Variants in SLMAP observed in about 807,000 individuals in gnomAD.
The protein encoded by SLMAP is sarcolemma associated protein.
A neutral mutation model predicts 128.8 loss-of-function variants in SLMAP; 44 were observed. That is an observed-to-expected ratio of 0.34 (90% confidence interval 0.27 to 0.44). The LOEUF (loss-of-function observed/expected upper bound fraction) is 0.44, where lower values mean the gene tolerates loss of function less well. SLMAP is among the 20% of genes least tolerant of loss of function. The pLI, the probability that SLMAP is intolerant of heterozygous loss-of-function variation, is 1.00. For missense variants in SLMAP, 787 were observed against 985.3 expected (o/e 0.80, Z 2.69); for synonymous variants, 327 against 348.8 (o/e 0.94, Z 0.70).
rs1237776000 is a variant in SLMAP, at chr3:57,928,321, A to T, written c.*1032A>T. On this transcript the variant is annotated 3_prime_UTR_variant, in exon 25 of 25. Coordinates refer to ENST00000671191, the MANE Select transcript of SLMAP (RefSeq NM_001377540.1). Reference sequence around the variant, plus strand: ...ATGTTTAATTGAAGAAAGTATTAATATCTCTTTAGATAAGCTTGTATTGAC... The same window carrying T: ...ATGTTTAATTGAAGAAAGTATTAATTTCTCTTTAGATAAGCTTGTATTGAC... 6.6e-6 allele frequency: 1 copy of T among 152,128 alleles called. No homozygotes were observed. The highest frequency in any genetic ancestry group is 2.4e-5 in the African/African-American group (1 of 41,422). 9.4% of individuals were successfully genotyped at this position (152,128 alleles called of 1,614,324 possible).
intron 14 of SLMAP, among the ~76,000 whole-genome samples, chr3:57,872,166 G>A (rs976062768): frequency 2.0e-5 from 3 of 152,188 alleles, no homozygotes; most frequent in Non-Finnish European, 2.9e-5. Flanking sequence ...GCCAGGCGTG[G>A]TGGCGCACGC....
At chr3:57,888,528 A>G (rs1380737595) in intron 14 of SLMAP, among the ~76,000 whole-genome samples, 2 of 151,962 alleles carry the variant, frequency 1.3e-5, no homozygotes, top group East Asian at 3.9e-4. Context: ...GAGGCAGGAG[A>G]ATCATTTGAA....
At chr3:57,848,593 TC>T (rs1373484306) in intron 5 of SLMAP, among the ~76,000 whole-genome samples, 6 of 143,226 alleles carry the variant, frequency 4.2e-5, no homozygotes, top group Non-Finnish European at 9.2e-5. Flanking sequence ...TCCCTCCTCT[TC>T]CTCCTTCCTC....
chr3:57,771,706 G>A (rs1042138460), intron 2 of SLMAP, among the ~76,000 whole-genome samples: 19 of 152,264 alleles, frequency 1.2e-4, no homozygotes, highest in Admixed American at 1.2e-3. Flanking sequence ...TTTTGTAAAT[G>A]TGCTTTTTCA....
At chr3:57,891,172 G>GT (rs1337262814) in intron 15 of SLMAP, 2 of 148,928 alleles carry the variant, frequency 1.3e-5, no homozygotes, top group African/African-American at 5.0e-5. Flanking sequence ...AGATTAGTTG[G>GT]TTGAATAGCC....
At chr3:57,914,328 G>A (rs775715516) in intron 21 of SLMAP, among the ~76,000 whole-genome samples, 29 of 151,964 alleles carry the variant, frequency 1.9e-4, no homozygotes, top group Non-Finnish European at 3.8e-4. Context: ...TAGGAGGTGG[G>A]GACTGCAATA....
intron 22 of SLMAP, chr3:57,918,589 T>G (rs2096857484): frequency 1.3e-5 from 2 of 152,182 alleles, no homozygotes; most frequent in Admixed American, 1.3e-4. Flanking sequence ...ATTGCTCTCT[T>G]TCTGTTTGTC....
In SLMAP at chr3:57,927,350, G is replaced by A. The variant is rs1041008641; in HGVS notation, c.*61G>A. 3 of 1,604,768 alleles carry A rather than the reference G, an allele frequency of 1.9e-6. No individual in the cohort carries two copies. The highest frequency in any genetic ancestry group is 1.3e-5 in the African/African-American group (1 of 74,912). On this transcript the variant is annotated 3_prime_UTR_variant, in exon 25 of 25. Transcript: ENST00000671191. ...TGCCCTGGTTGCAGTAACAGCCATC[G>A]TGCTGTACGTGCCAGGTCTGGCCAG...
At chr3:57,926,020 C>A in intron 24 of SLMAP, 86 bp downstream of exon 24, 1 of 944,934 alleles carries the variant, frequency 1.1e-6, no homozygotes, top group Non-Finnish European at 1.7e-6. Context: ...GGCAAGAACA[C>A]ACAGGTATTT....
At chr3:57,770,431 A>T in intron 2 of SLMAP, among the ~76,000 whole-genome samples, 1 of 152,230 alleles carries the variant, frequency 6.6e-6, no homozygotes, top group East Asian at 1.9e-4. Flanking sequence ...CATATGTTTA[A>T]GGCAGAAAAG....
At position 57,865,288 on chromosome 3, in the gene SLMAP, A is replaced by C; in HGVS notation, c.1233A>C (p.Glu411Asp). 1 of 1,450,704 alleles carries C rather than the reference A, an allele frequency of 6.9e-7. No homozygotes were observed. The highest frequency in any genetic ancestry group is 2.5e-5 in the East Asian group (1 of 40,094). 89.9% of individuals were successfully genotyped at this position (1,450,704 alleles called of 1,614,324 possible). Residue 411 changes from glutamate (E) to aspartate (D), a missense_variant, in exon 13 of 25, where the codon GAA becomes GAC. Physicochemically the swap from Glu to Asp is conservative, Grantham distance 45. Transcript: ENST00000671191. ...TACCTAAAATAAATGGGAGCACAGA[A>C]AAAGGTAGTGTAAAAAACTTAAATA... Reference protein sequence around the residue: ...DFLPKINGSTEKEHLLSKSGG... With the variant: ...DFLPKINGSTDKEHLLSKSGG...
At chr3:57,875,724 T>G (rs901573547) in intron 14 of SLMAP, among the ~76,000 whole-genome samples, 1 of 152,210 alleles carries the variant, frequency 6.6e-6, no homozygotes, top group East Asian at 1.9e-4. Flanking sequence ...TTCAAAACTT[T>G]CCAAATCTGT....
chr3:57,891,506 A>G (rs2096069005), intron 15 of SLMAP, among the ~76,000 whole-genome samples: 1 of 152,118 alleles, frequency 6.6e-6, no homozygotes, highest in Non-Finnish European at 1.5e-5. Context: ...AAACCTGGCT[A>G]TAAACTGTTT....
rs2093976938 is a variant in SLMAP, at chr3:57,842,307, AAATAGCATAGGTTTT to A, written c.419+939_419+953del. On this transcript the variant is annotated intron_variant, in intron 4 of 24. Coordinates refer to ENST00000671191, the MANE Select transcript of SLMAP (RefSeq NM_001377540.1). ...TTTACTTTTCAAGATATCTGAAGCA[AAATAGCATAGGTTTT>A]AAAACATTTTAATTCTTTTTTTCCT... 2.6e-5 allele frequency among the ~76,000 whole-genome samples: 4 copies of A among 152,262 alleles called. No homozygotes were observed. The South Asian group carries it at 8.3e-4, about 32-fold the overall frequency.
At chr3:57,849,668 A>C in intron 5 of SLMAP, 86 bp from the exon 6 acceptor site, 1 of 753,874 alleles carries the variant, frequency 1.3e-6, no homozygotes, top group Non-Finnish European at 2.4e-6. Flanking sequence ...TTGCATATTT[A>C]AGTAAGTAGA....
Position 57,896,569 on chromosome 3 carries a change from A to G in SLMAP, c.1419A>G (p.Glu473=), listed in dbSNP as rs1241020223. Residue 473 remains glutamate (E), a synonymous_variant, in exon 16 of 25, where the codon GAA becomes GAG. Coordinates refer to ENST00000671191, the MANE Select transcript of SLMAP (RefSeq NM_001377540.1). ...DFSDTLSPSK[E]KSSDDTTDAQ... is the part of the protein sequence containing the mutation. ...CAGATACTCTGAGTCCAAGCAAGGA[A>G]AAAAGCAGTGACGACACTACAGGTG... is the stretch of plus-strand genomic sequence containing the variant. 6.2e-7 allele frequency: 1 copy of G among 1,610,702 alleles called. No homozygotes were observed. Among genetic ancestry groups the G allele is most frequent in the East Asian group, 2.2e-5 (1 of 44,806 alleles).
At chr3:57,809,526 T>C (rs1040672231) in intron 2 of SLMAP, among the ~76,000 whole-genome samples, 3 of 152,188 alleles carry the variant, frequency 2.0e-5, no homozygotes, top group Non-Finnish European at 4.4e-5. Context: ...CCTTGGCACC[T>C]ACAGCCTGGG....
intron 2 of SLMAP, among the ~76,000 whole-genome samples, chr3:57,823,010 T>G (rs1291756368): frequency 6.6e-6 from 1 of 152,128 alleles, no homozygotes; most frequent in Non-Finnish European, 1.5e-5. Context: ...ACAGCAGTCC[T>G]GGGGAGAGAA....
At chr3:57,819,458 A>C (rs1195649519) in intron 2 of SLMAP, among the ~76,000 whole-genome samples, 1 of 152,184 alleles carries the variant, frequency 6.6e-6, no homozygotes, top group East Asian at 1.9e-4. Context: ...TTGCCAAATA[A>C]ATTCTTTGTG....
Sources: gnomAD v4.1 joint callset for allele counts (sites outside exome capture counted in the v4.1 genomes callset) on GRCh38, gnomAD v4.1.1 for gene constraint, MANE v1.5 for transcripts, NCBI Gene and HGNC (gene_info 2026-07-23, HGNC 2026-07-21) for gene names.